Variants in N4BP1 observed in about 807,000 individuals in gnomAD.
The protein encoded by N4BP1 is NEDD4 binding protein 1.
A neutral mutation model predicts 70.9 loss-of-function variants in N4BP1; 21 were observed. The ratio of observed to expected loss-of-function variants is 0.30; its 90% CI spans 0.21 to 0.43. The LOEUF (loss-of-function observed/expected upper bound fraction) is 0.43, where lower values mean the gene tolerates loss of function less well. Among genes scored for constraint, N4BP1 ranks in the 20% least tolerant of loss-of-function variants. N4BP1 has a pLI of 1.00. For synonymous variants in N4BP1, 387 were observed against 394.6 expected (o/e 0.98, Z 0.23); for missense variants, 936 against 1,069.4 (o/e 0.88, Z 1.74).
intron 1 of N4BP1, among the ~76,000 whole-genome samples, chr16:48,594,263 C>G (rs972376143): frequency 3.9e-5 from 6 of 152,072 alleles, no homozygotes; most frequent in Admixed American, 6.6e-5. Context: ...TCCTTTCTAC[C>G]ACAGTAAAGG....
chr16:48,551,266 T>C (rs1298348796), intron 4 of N4BP1, 120 bp downstream of exon 4: 3 of 647,216 alleles, frequency 4.6e-6, no homozygotes, highest in East Asian at 2.7e-5. Flanking sequence ...TTAATGACCA[T>C]AAATATTAAA....
In N4BP1 at chr16:48,548,134, T is replaced by C; in HGVS notation, c.2118-20A>G. 1 of 1,452,468 alleles carries C rather than the reference T, an allele frequency of 6.9e-7. No individual in the cohort carries two copies. Among genetic ancestry groups the C allele is most frequent in the Non-Finnish European group, 9.6e-7 (1 of 1,038,808 alleles). 90.0% of individuals were successfully genotyped at this position (1,452,468 alleles called of 1,614,324 possible). A position where few individuals can be genotyped will look rare whatever the true frequency, so the allele number is the denominator to read the frequency against. ...AGAAACCTATGGTAATATAAGAGAG[T>C]TTAAAATCAGCAACAGGCATCCTTG... On this transcript the variant is annotated intron_variant, in intron 4 of 6. Coordinates refer to ENST00000262384, the MANE Select transcript of N4BP1 (RefSeq NM_153029.4).
intron 1 of N4BP1, among the ~76,000 whole-genome samples, chr16:48,605,382 C>T (rs937522261): frequency 9.9e-5 from 15 of 152,198 alleles, no homozygotes; most frequent in Middle Eastern, 3.2e-3. Flanking sequence ...ATCCCCTCAA[C>T]CTCATCCCTT....
chr16:48,608,441 C>G (rs1214070259), intron 1 of N4BP1, among the ~76,000 whole-genome samples: 3 of 152,194 alleles, frequency 2.0e-5, no homozygotes, highest in Non-Finnish European at 2.9e-5. Context: ...TTCAAGGACA[C>G]TGACATTACT....
chr16:48,601,586 TCAGACG>T (rs1181513245), intron 1 of N4BP1, among the ~76,000 whole-genome samples: 2 of 152,242 alleles, frequency 1.3e-5, no homozygotes, highest in Non-Finnish European at 2.9e-5. Context: ...TTTCATACTT[TCAGACG>T]TGGATTTATT....
chr16:48,573,113 A>C (rs1461300010), intron 1 of N4BP1, among the ~76,000 whole-genome samples: 7 of 151,634 alleles, frequency 4.6e-5, no homozygotes, highest in African/African-American at 1.7e-4. Flanking sequence ...TGTCTCAAAA[A>C]AAAAAAAAAA....
At chr16:48,580,714 C>T (rs962351884) in intron 1 of N4BP1, among the ~76,000 whole-genome samples, 3 of 152,132 alleles carry the variant, frequency 2.0e-5, no homozygotes, top group Admixed American at 6.5e-5. Flanking sequence ...TCTGTGGTTT[C>T]CGCATCCATG....
At chr16:48,556,889 A>G (rs182174776) in intron 2 of N4BP1, among the ~76,000 whole-genome samples, 409 of 152,376 alleles carry the variant, frequency 2.7e-3, no homozygotes, top group Non-Finnish European at 4.9e-3. Flanking sequence ...CCCCATCTAC[A>G]TGGAAAACTA....
At chr16:48,546,037 A>AAG (rs1963587109) in intron 6 of N4BP1, 110 bp downstream of exon 6, 1 of 686,508 alleles carries the variant, frequency 1.5e-6, no homozygotes, top group East Asian at 3.2e-5. Flanking sequence ...CAAAAAAAAA[A>AAG]AAAATAATTT....
At chr16:48,602,382 A>G (rs1310005425) in intron 1 of N4BP1, among the ~76,000 whole-genome samples, 3 of 152,238 alleles carry the variant, frequency 2.0e-5, no homozygotes, top group Non-Finnish European at 4.4e-5. Context: ...ATTTCATAAA[A>G]AGCCAACATA....
intron 2 of N4BP1, among the ~76,000 whole-genome samples, chr16:48,555,412 C>G (rs1963735992): frequency 2.0e-5 from 3 of 152,204 alleles, no homozygotes; most frequent in Admixed American, 1.3e-4. Flanking sequence ...CAGGAAGAGG[C>G]TGGACACTTC....
chr16:48,578,999 TTTGA>T (rs1964138680), intron 1 of N4BP1, among the ~76,000 whole-genome samples: 1 of 55,704 alleles, frequency 1.8e-5, no homozygotes, highest in African/African-American at 1.3e-4. Context: ...CCTTGGGGCA[TTTGA>T]CAATGCCAAG....
intron 1 of N4BP1, among the ~76,000 whole-genome samples, chr16:48,563,112 C>T (rs1309485882): frequency 2.0e-5 from 3 of 151,668 alleles, no homozygotes; most frequent in Non-Finnish European, 4.4e-5. Flanking sequence ...TATTGGTGTT[C>T]TCAGATGTTG....
At chr16:48,558,192 T>C (rs1378596259) in intron 2 of N4BP1, among the ~76,000 whole-genome samples, 1 of 151,698 alleles carries the variant, frequency 6.6e-6, no homozygotes, top group Non-Finnish European at 1.5e-5. Flanking sequence ...TACAAGTCTG[T>C]CTTCTTAAAG....
chr16:48,554,590 C>G (rs1005161928), intron 2 of N4BP1, among the ~76,000 whole-genome samples: 2 of 152,206 alleles, frequency 1.3e-5, no homozygotes, highest in African/African-American at 4.8e-5. Flanking sequence ...ACTAAAATCT[C>G]AAACTGTGAT....
At chr16:48,604,743 T>C (rs775452070) in intron 1 of N4BP1, among the ~76,000 whole-genome samples, 4 of 152,228 alleles carry the variant, frequency 2.6e-5, no homozygotes, top group Non-Finnish European at 4.4e-5. Flanking sequence ...ATTCGATGAA[T>C]TCGATGTGTA....
chr16:48,555,388 G>A (rs559010089), intron 2 of N4BP1, among the ~76,000 whole-genome samples: 1 of 152,312 alleles, frequency 6.6e-6, no homozygotes, highest in African/African-American at 2.4e-5. Context: ...ACCTGCATGT[G>A]CGTTCCTTGA....
At chr16:48,554,769 CA>C (rs1409608311) in intron 2 of N4BP1, among the ~76,000 whole-genome samples, 1 of 152,224 alleles carries the variant, frequency 6.6e-6, no homozygotes. Context: ...CCATGATGGG[CA>C]TATGTGTCCC....
intron 1 of N4BP1, among the ~76,000 whole-genome samples, chr16:48,563,023 G>T (rs1379882793): frequency 6.6e-6 from 1 of 151,692 alleles, no homozygotes; most frequent in East Asian, 1.9e-4. Flanking sequence ...TATCCTGTAT[G>T]ATTTTCTGTC....
Sources: gnomAD v4.1 joint callset for allele counts (sites outside exome capture counted in the v4.1 genomes callset) on GRCh38, gnomAD v4.1.1 for gene constraint, MANE v1.5 for transcripts, NCBI Gene and HGNC (gene_info 2026-07-23, HGNC 2026-07-21) for gene names.